CLCNKA: variants seen among roughly 807,000 people sequenced by gnomAD.
CLCNKA encodes the protein chloride voltage-gated channel Ka, also known as chloride channel protein ClC-Ka.
Under a neutral mutation model 83.3 loss-of-function variants are expected in CLCNKA, and 66 were observed. The observed-to-expected ratio is 0.79, with a 90% CI of 0.65 to 0.97. The LOEUF (loss-of-function observed/expected upper bound fraction) is 0.97, where lower values mean the gene tolerates loss of function less well. Among genes scored for constraint, CLCNKA ranks in the 50% least tolerant of loss-of-function variants. The pLI, the probability that CLCNKA is intolerant of heterozygous loss-of-function variation, is 0.00. For synonymous variants in CLCNKA, 357 were observed against 370.4 expected, an observed-to-expected ratio of 0.96 and a Z score of 0.42; for missense variants, 806 against 888.7, an observed-to-expected ratio of 0.91 and a Z score of 1.18.
At chr1:16,027,942 G>A (rs768672657) in intron 9 of CLCNKA, 37 bp downstream of exon 9, 38 of 1,614,028 alleles carry the variant, frequency 2.4e-5, no homozygotes, top group African/African-American at 2.3e-4. Flanking sequence ...AGTCCAAAAG[G>A]CATTCCCCCC....
chr1:16,029,325 C>T (rs776301967), intron 12 of CLCNKA, 26 bp downstream of exon 12: 2 of 1,613,540 alleles, frequency 1.2e-6, no homozygotes, highest in Admixed American at 1.7e-5. Context: ...CCCAGGTGTG[C>T]ACAGAGCCAG....
chr1:16,023,674 C>G (rs2022228560), intron 2 of CLCNKA, 126 bp from the exon 3 acceptor site: 1 of 1,108,510 alleles, frequency 9.0e-7, no homozygotes, highest in Non-Finnish European at 1.3e-6. Context: ...AGGCGGGGCC[C>G]CCTCAGGACT....
Position 16,031,778 on chromosome 1 carries a change from T to C in CLCNKA, c.1691T>C (p.Leu564Pro), listed in dbSNP as rs1006725664. The C allele has an allele frequency of 6.2e-7, 1 of 1,613,842 alleles. No homozygotes were observed. The highest frequency in any genetic ancestry group is 8.5e-7 in the Non-Finnish European group (1 of 1,180,040). ...ACCACACTGGCCAAGGACACGCCGC[T>C]GGAGGAGGTGGTCAAGGTTGTGACC... is the stretch of plus-strand genomic sequence containing the variant. The part of the protein sequence containing the change: ...SITTLAKDTP[L>P]EEVVKVVTST... Residue 564 changes from leucine to proline, a missense_variant, in exon 16 of 20, where the codon CTG becomes CCG. Transcript: ENST00000331433.
rs10803407 is a variant in CLCNKA at position 16,032,437 on chromosome 1, T to C, written c.1846-6T>C. The C allele has an allele frequency of 0.68, 1,089,802 of 1,608,830 alleles. 372,657 individuals carry two copies. Among genetic ancestry groups the C allele is most frequent in the East Asian group, 0.98 (44,027 of 44,866 alleles). ...CCCTGCACCCATAACTCTTCCCCAC[T>C]CCCAGCAGTGTCTCCAGGACATCTT... On this transcript the variant is annotated splice_polypyrimidine_tract_variant and splice_region_variant and intron_variant, in intron 17 of 19. Transcript: ENST00000331433.
At chr1:16,032,676 G>T in intron 18 of CLCNKA, 150 bp downstream of exon 18, 1 of 685,456 alleles carries the variant, frequency 1.5e-6, no homozygotes, top group Middle Eastern at 3.1e-4. Flanking sequence ...GGCAGCTCCT[G>T]CCGTCGCCCC....
At position 16,023,799 on chromosome 1, in the gene CLCNKA, G is replaced by C; in HGVS notation, c.101-1G>C. ...GCTGGGACTCCGATACCCTGCCCCA[G>C]GTGGCCTGGAGTGGCTAAAGCAGAA... On this transcript the variant is annotated splice_acceptor_variant, in intron 2 of 19. Transcript: ENST00000331433. LOFTEE classifies it high-confidence loss of function. The C allele has an allele frequency of 6.2e-7, 1 of 1,614,046 alleles. No homozygotes were observed. The highest frequency in any genetic ancestry group is 1.1e-5 in the South Asian group (1 of 91,080).
rs387907405 is a variant in CLCNKA, at chr1:16,029,219, G to T, written c.1147G>T (p.Asp383Tyr). The T allele has an allele frequency of 2.7e-4, 428 of 1,613,692 alleles. 1 individual carries two copies. The highest frequency in any genetic ancestry group is 2.3e-3 in the Middle Eastern group (14 of 6,002). ...CAGCCCACCCTGGCCCGAGGAGCTC[G>T]ACCCCCAGCACCTTTGGTGGGAATG... Reference protein sequence around the residue: ...NSSPPWPEELDPQHLWWEWYH... With the variant: ...NSSPPWPEELYPQHLWWEWYH... Residue 383 changes from aspartate to tyrosine, a missense_variant, in exon 12 of 20, where the codon GAC (aspartate) becomes TAC (tyrosine). By Grantham distance (160) the Asp-to-Tyr change is radical. Transcript: ENST00000331433.
intron 4 of CLCNKA, 105 bp from the exon 5 acceptor site, chr1:16,026,003 C>T (rs1217786031): frequency 2.0e-6 from 3 of 1,495,980 alleles, no homozygotes; most frequent in Non-Finnish European, 2.8e-6. Context: ...ATCCGCCTGC[C>T]TCGGCCTCCC....
At chr1:16,027,193 T>TC in intron 7 of CLCNKA, 117 bp from the exon 8 acceptor site, 3 of 1,462,418 alleles carry the variant, frequency 2.1e-6, no homozygotes, top group East Asian at 2.3e-5. Context: ...TCTGTCCCTG[T>TC]CCGGGCTGTA....
intron 7 of CLCNKA, 146 bp from the exon 8 acceptor site, chr1:16,027,164 G>A: frequency 1.6e-6 from 2 of 1,216,802 alleles, no homozygotes; most frequent in South Asian, 1.3e-5. Flanking sequence ...CAGGGCGCAA[G>A]CCCTGCCCTC....
rs1420591641 is a variant in CLCNKA, at chr1:16,031,798, G to A, written c.1711G>A (p.Val571Met). ...DTPLEEVVKVVTSTDVTEYPL... is the reference protein window; with the variant it reads ...DTPLEEVVKVMTSTDVTEYPL... ...GCCGCTGGAGGAGGTGGTCAAGGTT[G>A]TGACCTCCACAGACGTGACCGAGTA... Residue 571 changes from valine to methionine, a missense_variant, in exon 16 of 20, where the codon GTG (valine) becomes ATG (methionine). By Grantham distance (21) the Val-to-Met change is conservative. Transcript: ENST00000331433. 6.2e-7 allele frequency: 1 copy of A among 1,613,864 alleles called. No individual in the cohort carries two copies. The highest frequency in any genetic ancestry group is 8.5e-7 in the Non-Finnish European group (1 of 1,180,040).
In CLCNKA at chr1:16,030,632, A is replaced by G; in HGVS notation, c.1580A>G (p.Lys527Arg). The part of the protein sequence containing the change: ...PSFYDGTIIV[K>R]KLPYLPRILG... ...TTCTATGATGGCACCATCATTGTCA[A>G]GAAGCTGCCATACCTGCCACGGATT... is the stretch of plus-strand genomic sequence containing the variant. Residue 527 changes from lysine to arginine, a missense_variant, in exon 15 of 20, where the codon AAG becomes AGG. Physicochemically the swap from Lys to Arg is conservative, Grantham distance 26. Coordinates refer to ENST00000331433, the MANE Select transcript of CLCNKA (RefSeq NM_004070.4). 1 of 1,613,092 alleles carries G rather than the reference A, an allele frequency of 6.2e-7. No homozygotes were observed. The highest frequency in any genetic ancestry group is 2.2e-5 in the East Asian group (1 of 44,884).
chr1:16,026,005 C>T (rs1281412833), intron 4 of CLCNKA, 103 bp from the exon 5 acceptor site: 32 of 1,499,522 alleles, frequency 2.1e-5, no homozygotes, highest in Admixed American at 5.0e-5. Context: ...CCGCCTGCCT[C>T]GGCCTCCCAA....
rs759529675 is a variant in CLCNKA, at chr1:16,028,863, G to A, written c.1053+18G>A. 2.5e-6 allele frequency: 4 copies of A among 1,613,358 alleles called. No homozygotes were observed. Among genetic ancestry groups the A allele is most frequent in the Non-Finnish European group, 3.4e-6 (4 of 1,179,452 alleles). On this transcript the variant is annotated intron_variant, in intron 11 of 19. Coordinates refer to ENST00000331433, the MANE Select transcript of CLCNKA (RefSeq NM_004070.4). The stretch of plus-strand genomic sequence containing the variant: ...CTTCTCGGGTAAGGGGTCCTGAGCG[G>A]GGGTGGCAGGAGTGGGAACCCCCAT...
chr1:16,029,015 GC>G, intron 11 of CLCNKA, 110 bp from the exon 12 acceptor site: 1 of 1,539,790 alleles, frequency 6.5e-7, no homozygotes, highest in African/African-American at 1.4e-5. Flanking sequence ...AAGGCCCCCC[GC>G]TGGGAAGTGG....
In CLCNKA at chr1:16,030,603, C is replaced by T. The variant is rs2022584893; in HGVS notation, c.1551C>T (p.Pro517=). The change falls in exon 15 of 20, where the codon CCC becomes CCT. Residue 517 remains proline (P), a synonymous_variant. Coordinates refer to ENST00000331433, the MANE Select transcript of CLCNKA (RefSeq NM_004070.4). The stretch of plus-strand genomic sequence containing the variant: ...ACGCCATTGCACAGAGCTGCCAGCC[C>T]TCCTTCTATGATGGCACCATCATTG... The part of the protein sequence containing the change: ...AANAIAQSCQ[P]SFYDGTIIVK... 2.5e-6 allele frequency: 4 copies of T among 1,613,110 alleles called. No homozygotes were observed. Among genetic ancestry groups the T allele is most frequent in the Non-Finnish European group, 3.4e-6 (4 of 1,180,048 alleles).
At chr1:16,027,195 C>A in intron 7 of CLCNKA, 115 bp from the exon 8 acceptor site, 1 of 1,478,158 alleles carries the variant, frequency 6.8e-7, no homozygotes, top group Non-Finnish European at 9.4e-7. Context: ...TGTCCCTGTC[C>A]GGGCTGTAGG....
At position 16,028,771 on chromosome 1, in the gene CLCNKA, T is replaced by A. The variant is rs2022490065; in HGVS notation, c.979T>A (p.Tyr327Asn). Reference sequence around the variant, plus strand: ...ACCCACCCCCCACAGCAAGCCTGTGTACTCCGCTCTGGCCACCTTGCTTCT... The same window carrying A: ...ACCCACCCCCCACAGCAAGCCTGTGAACTCCGCTCTGGCCACCTTGCTTCT... ...SKLLATSKPV[Y>N]SALATLLLAS... Residue 327 changes from tyrosine to asparagine, a missense_variant, in exon 11 of 20, where the codon TAC becomes AAC. Tyr to Asn is a moderately radical substitution (Grantham distance 143). Transcript: ENST00000331433. 6.2e-7 allele frequency: 1 copy of A among 1,614,012 alleles called. No homozygotes were observed. The highest frequency in any genetic ancestry group is 8.5e-7 in the Non-Finnish European group (1 of 1,180,020).
chr1:16,027,545 C>A, intron 8 of CLCNKA, 110 bp downstream of exon 8: 18 of 1,542,692 alleles, frequency 1.2e-5, no homozygotes, highest in Non-Finnish European at 1.6e-5. Context: ...CTCTCTCCCT[C>A]TTTTCCCTCC....
Sources: allele counts gnomAD v4.1 joint callset, GRCh38; gene constraint gnomAD v4.1.1; transcripts MANE v1.5; gene names NCBI Gene and HGNC (gene_info 2026-07-23, HGNC 2026-07-21).